Variants in NFIA observed in about 807,000 individuals in gnomAD.
The protein encoded by NFIA is nuclear factor I A, also known as nuclear factor 1 A-type.
Under a neutral mutation model 62.8 loss-of-function variants are expected in NFIA, and 8 were observed. The observed-to-expected ratio is 0.13, with a 90% CI of 0.07 to 0.23. The LOEUF is 0.23. Among genes scored for constraint, NFIA ranks in the 10% least tolerant of loss-of-function variants. The probability of loss-of-function intolerance (pLI) is 1.00; values close to 1 mark genes in which losing one functional copy is unlikely to be tolerated. For missense variants in NFIA, 410 were observed against 642.1 expected (o/e 0.64, Z 3.91); for synonymous variants, 235 against 238.1 (o/e 0.99, Z 0.12).
chr1:61,294,277 G>A (rs1001008316), intron 3 of NFIA, among the ~76,000 whole-genome samples: 1 of 152,164 alleles, frequency 6.6e-6, no homozygotes, highest in African/African-American at 2.4e-5. Flanking sequence ...AACATCTGCT[G>A]TATGGCAGAT....
At chr1:61,390,424 C>T (rs1402507420) in intron 7 of NFIA, among the ~76,000 whole-genome samples, 1 of 151,832 alleles carries the variant, frequency 6.6e-6, no homozygotes, top group African/African-American at 2.4e-5. Flanking sequence ...CCATATAAAC[C>T]AAAGATTTAT....
chr1:61,133,371 A>G (rs1647116109), intron 2 of NFIA, among the ~76,000 whole-genome samples: 1 of 152,002 alleles, frequency 6.6e-6, no homozygotes, highest in African/African-American at 2.4e-5. Flanking sequence ...ACTGGCTGGT[A>G]TAGAAAAGTG....
intron 2 of NFIA, among the ~76,000 whole-genome samples, chr1:61,174,382 C>A (rs371792835): frequency 2.6e-5 from 4 of 152,210 alleles, no homozygotes; most frequent in Admixed American, 1.3e-4. Context: ...CAGATGGTTT[C>A]TTTTGCTTTC....
intron 2 of NFIA, among the ~76,000 whole-genome samples, chr1:61,110,895 T>C (rs2100452924): frequency 6.6e-6 from 1 of 152,240 alleles, no homozygotes; most frequent in South Asian, 2.1e-4. Flanking sequence ...ATGTTAATGT[T>C]CTGCATTTGC....
intron 9 of NFIA, among the ~76,000 whole-genome samples, chr1:61,418,728 G>A (rs2100543907): frequency 6.6e-6 from 1 of 152,276 alleles, no homozygotes; most frequent in East Asian, 1.9e-4. Flanking sequence ...TATAAGTAAT[G>A]ATGTAATGAA....
chr1:61,248,910 C>G lies in NFIA; in HGVS notation c.560-28610C>G, dbSNP rs891460087. On this transcript the variant is annotated intron_variant, in intron 2 of 10. Transcript: ENST00000403491. ...TTTTACAAATGTAAAGGTAGCATCT[C>G]ATGGTCCCTGTAGGGATATATTATT... 3 of 152,206 alleles carry G rather than the reference C, an allele frequency of 2.0e-5. No individual in the cohort carries two copies. The East Asian group carries it at 5.8e-4, about 29-fold the overall frequency. The allele number at this position is 152,206 out of a possible 1,614,324, so 9.4% of individuals were successfully genotyped here.
intron 6 of NFIA, among the ~76,000 whole-genome samples, chr1:61,367,775 A>G (rs1252610782): frequency 6.6e-6 from 1 of 152,186 alleles, no homozygotes; most frequent in Non-Finnish European, 1.5e-5. Context: ...CTCTTAGAGG[A>G]AAAGAAATAT....
intron 2 of NFIA, among the ~76,000 whole-genome samples, chr1:61,161,761 C>T (rs770466186): frequency 6.6e-6 from 1 of 152,128 alleles, no homozygotes; most frequent in African/African-American, 2.4e-5. Context: ...ACACACACAC[C>T]CCTCTATAAT....
intron 4 of NFIA, among the ~76,000 whole-genome samples, chr1:61,350,225 A>G (rs1261921937): frequency 1.3e-5 from 2 of 152,198 alleles, no homozygotes; most frequent in African/African-American, 4.8e-5. Flanking sequence ...GTCAGGGACT[A>G]TATTAGATGC....
chr1:61,085,159 C>G (rs1285273026), intron 1 of NFIA, among the ~76,000 whole-genome samples: 2 of 151,918 alleles, frequency 1.3e-5, no homozygotes, highest in Admixed American at 1.3e-4. Flanking sequence ...TCACTATACT[C>G]TAAATGAAAC....
At chr1:61,095,358 C>T (rs139752439) in intron 2 of NFIA, among the ~76,000 whole-genome samples, 1 of 152,306 alleles carries the variant, frequency 6.6e-6, no homozygotes, top group African/African-American at 2.4e-5. Flanking sequence ...TCTATTTGAA[C>T]GGATGAGGAT....
At chr1:61,160,190 TC>T (rs1649095213) in intron 2 of NFIA, among the ~76,000 whole-genome samples, 1 of 152,240 alleles carries the variant, frequency 6.6e-6, no homozygotes, top group East Asian at 1.9e-4. Context: ...TCTCCCCTGG[TC>T]CCCTGTTGCG....
At chr1:61,293,845 C>T (rs1184125644) in intron 3 of NFIA, among the ~76,000 whole-genome samples, 1 of 152,172 alleles carries the variant, frequency 6.6e-6, no homozygotes, top group Non-Finnish European at 1.5e-5. Context: ...AATGACATTT[C>T]CAAGCTGTCA....
intron 2 of NFIA, among the ~76,000 whole-genome samples, chr1:61,268,136 GGC>G (rs1657286790): frequency 6.6e-6 from 1 of 152,100 alleles, no homozygotes; most frequent in African/African-American, 2.4e-5. Flanking sequence ...ACCTGTCTGT[GGC>G]AAAACTCCAT....
intron 2 of NFIA, among the ~76,000 whole-genome samples, chr1:61,115,243 A>G (rs1019956453): frequency 1.6e-4 from 25 of 152,318 alleles, no homozygotes; most frequent in African/African-American, 6.0e-4. Context: ...AGCCTCCCAA[A>G]GTCCTGGGAT....
At chr1:61,261,956 T>C (rs1370552824) in intron 2 of NFIA, among the ~76,000 whole-genome samples, 1 of 152,188 alleles carries the variant, frequency 6.6e-6, no homozygotes, top group African/African-American at 2.4e-5. Context: ...ATTTCTGATC[T>C]TTTTTATTTT....
chr1:61,379,123 G>A (rs1443032782), intron 6 of NFIA, among the ~76,000 whole-genome samples: 2 of 152,042 alleles, frequency 1.3e-5, no homozygotes, highest in African/African-American at 4.8e-5. Context: ...CTATTCACAA[G>A]AATGACATTT....
chr1:61,232,914 T>C (rs1654767054), intron 2 of NFIA, among the ~76,000 whole-genome samples: 2 of 152,190 alleles, frequency 1.3e-5, no homozygotes, highest in South Asian at 4.1e-4. Context: ...TAAATTCATT[T>C]GGCAAGAATT....
At chr1:61,313,272 T>A (rs1023211604) in intron 3 of NFIA, among the ~76,000 whole-genome samples, 1 of 152,042 alleles carries the variant, frequency 6.6e-6, no homozygotes, top group Non-Finnish European at 1.5e-5. Context: ...AGAAAAAAGG[T>A]TTAATTGGCT....
Sources: allele counts gnomAD v4.1 joint callset (sites outside exome capture counted in the v4.1 genomes callset), GRCh38; gene constraint gnomAD v4.1.1; transcripts MANE v1.5; gene names NCBI Gene and HGNC (gene_info 2026-07-23, HGNC 2026-07-21).